The following ALG6 variants were observed in gnomAD, a reference collection of about 807,000 sequenced individuals.
The protein encoded by ALG6 is ALG6 alpha-1,3-glucosyltransferase, also known as dolichyl pyrophosphate Man9GlcNAc2 alpha-1,3-glucosyltransferase.
Under a neutral mutation model 66.6 loss-of-function variants are expected in ALG6, and 46 were observed. That is an observed-to-expected ratio of 0.69 (90% CI 0.55 to 0.88). The LOEUF (loss-of-function observed/expected upper bound fraction) is 0.88. Among genes scored for constraint, ALG6 ranks in the 40% least tolerant of loss-of-function variants. The probability of loss-of-function intolerance (pLI) is 0.00; values close to 1 mark genes in which losing one functional copy is unlikely to be tolerated. For synonymous variants in ALG6, 185 were observed against 203.7 expected (o/e 0.91, Z 0.78); for missense variants, 505 against 586.8 (o/e 0.86, Z 1.44).
At chr1:63,390,941 A>G (rs1282349110) in intron 2 of ALG6, among the ~76,000 whole-genome samples, 1 of 152,154 alleles carries the variant, frequency 6.6e-6, no homozygotes, top group Non-Finnish European at 1.5e-5. Flanking sequence ...CCTTGATATG[A>G]TATTAAAACC....
chr1:63,392,465 C>A (rs1247340000), intron 2 of ALG6, among the ~76,000 whole-genome samples: 2 of 152,082 alleles, frequency 1.3e-5, no homozygotes, highest in African/African-American at 2.4e-5. Flanking sequence ...GCCACCACAC[C>A]CTGCCAAAAG....
chr1:63,389,462 G>T (rs1324902213), intron 2 of ALG6, among the ~76,000 whole-genome samples: 2 of 152,108 alleles, frequency 1.3e-5, no homozygotes, highest in Non-Finnish European at 2.9e-5. Flanking sequence ...GTTAAGGATA[G>T]AATTCTAAAT....
rs150097046 is a variant in ALG6 at position 63,406,390 on chromosome 1, T to C, written c.420T>C (p.Thr140=). Residue 140 remains threonine, a synonymous_variant, in exon 6 of 15, where the codon ACT becomes ACC. Transcript: ENST00000263440. ...GTTGTTGCTTAAAAGAAATCTCAAC[T>C]AAGAAAAAGGTAGGTTTTCAAGCAG... ...LYCCCLKEIS[T]KKKIANALCI... 8.9e-5 allele frequency: 144 copies of C among 1,612,764 alleles called. No individual in the cohort carries two copies. The highest frequency in any genetic ancestry group is 2.2e-4 in the Admixed American group (13 of 59,972).
chr1:63,400,862 G>T (rs1644461705), intron 3 of ALG6, among the ~76,000 whole-genome samples: 1 of 152,130 alleles, frequency 6.6e-6, no homozygotes, highest in Non-Finnish European at 1.5e-5. Flanking sequence ...TGCTTCAACA[G>T]CTCTGAGGCT....
intron 10 of ALG6, 57 bp downstream of exon 10, chr1:63,414,203 T>C: frequency 3.2e-6 from 4 of 1,266,542 alleles, no homozygotes; most frequent in Non-Finnish European, 3.4e-6. Context: ...AAAAGCATTA[T>C]GGTATTATTT....
At chr1:63,422,686 T>C (rs572174211) in intron 12 of ALG6, among the ~76,000 whole-genome samples, 16 of 151,826 alleles carry the variant, frequency 1.1e-4, no homozygotes, top group African/African-American at 3.6e-4. Flanking sequence ...CCGGGCACAG[T>C]GGCTCATGCC....
At position 63,419,442 on chromosome 1, in the gene ALG6, T is replaced by TA. The variant is rs1644562379; in HGVS notation, c.1058+4dup. 1 of 1,582,296 alleles carries TA rather than the reference T, an allele frequency of 6.3e-7. No individual in the cohort carries two copies. The highest frequency in any genetic ancestry group is 1.3e-5 in the African/African-American group (1 of 74,230). ...AAAATCCATTCTCTTGGTGTCACTG[T>TA]AAGTAGAAACATTTGAAATATGTGT... On this transcript the variant is annotated splice_region_variant and intron_variant, in intron 12 of 14. Transcript: ENST00000263440.
At chr1:63,410,890 C>T (rs1461441336) in intron 7 of ALG6, among the ~76,000 whole-genome samples, 1 of 151,900 alleles carries the variant, frequency 6.6e-6, no homozygotes, top group Non-Finnish European at 1.5e-5. Flanking sequence ...TCTTTTAAAC[C>T]AAAACAAATC....
intron 3 of ALG6, among the ~76,000 whole-genome samples, chr1:63,400,538 T>A (rs193023043): frequency 6.6e-6 from 1 of 151,466 alleles, no homozygotes; most frequent in Admixed American, 6.6e-5. Context: ...AATCCTATAT[T>A]TTTTTCCTCC....
intron 2 of ALG6, among the ~76,000 whole-genome samples, chr1:63,390,551 A>T (rs1648639434): frequency 6.6e-6 from 1 of 152,114 alleles, no homozygotes; most frequent in South Asian, 2.1e-4. Context: ...ACTGCGTCTG[A>T]GTCCAACACA....
intron 11 of ALG6, among the ~76,000 whole-genome samples, chr1:63,418,908 T>G (rs978199552): frequency 3.3e-5 from 5 of 152,014 alleles, no homozygotes; most frequent in African/African-American, 4.8e-5. Flanking sequence ...AATAGATAAT[T>G]TTTTTTAAAC....
rs147040018 is a variant in ALG6, at chr1:63,380,589, G to A, written c.82+9530G>A. 3.3e-3 allele frequency among the ~76,000 whole-genome samples: 503 copies of A among 151,732 alleles called. 2 individuals are homozygous for A. The highest frequency in any genetic ancestry group is 5.1e-3 in the Admixed American group (77 of 15,212). On this transcript the variant is annotated intron_variant, in intron 2 of 14. Coordinates refer to ENST00000263440, the MANE Select transcript of ALG6 (RefSeq NM_013339.4). ...ATTGTGACACATATATTATTTTCTC[G>A]TTTATTTTAAGGTGAAGTTGAAAAG...
At position 63,414,046 on chromosome 1, in the gene ALG6, C is replaced by A; in HGVS notation, c.817-15C>A. The stretch of plus-strand genomic sequence containing the variant: ...CAATTATACCAGAATGTAAAGCTAA[C>A]AAATCTCTTTTAAGGATAAAGTAGC... On this transcript the variant is annotated splice_polypyrimidine_tract_variant and intron_variant, in intron 9 of 14. Transcript: ENST00000263440. The A allele has an allele frequency of 6.4e-7, 1 of 1,573,928 alleles. No homozygotes were observed. Among genetic ancestry groups the A allele is most frequent in the Non-Finnish European group, 8.7e-7 (1 of 1,144,188 alleles).
At position 63,396,526 on chromosome 1, in the gene ALG6, G is replaced by C. The variant is rs149990175; in HGVS notation, c.96G>C (p.Pro32=). ...CTTTGATCTTAGGTGCTGGTAAACC[G>C]CCTATGTTTGGTGATTATGAAGCTC... ...SLNSYSGAGK[P]PMFGDYEAQR... Residue 32 remains proline, a synonymous_variant, in exon 3 of 15, where the codon CCG becomes CCC. Transcript: ENST00000263440. 6.2e-7 allele frequency: 1 copy of C among 1,613,908 alleles called. No homozygotes were observed. The highest frequency in any genetic ancestry group is 8.5e-7 in the Non-Finnish European group (1 of 1,179,936).
At chr1:63,375,578 A>C (rs1648098089) in intron 2 of ALG6, among the ~76,000 whole-genome samples, 1 of 152,008 alleles carries the variant, frequency 6.6e-6, no homozygotes, top group African/African-American at 2.4e-5. Flanking sequence ...TTACTTCCTT[A>C]AAATGCCTTT....
chr1:63,415,774 AAAT>A (rs1209749584), intron 10 of ALG6, 96 bp from the exon 11 acceptor site: 2 of 689,534 alleles, frequency 2.9e-6, no homozygotes, highest in African/African-American at 3.7e-5. Flanking sequence ...TTAAGTTGAT[AAAT>A]AATATGATCC....
At chr1:63,417,354 C>T (rs1373171731) in intron 11 of ALG6, among the ~76,000 whole-genome samples, 1 of 152,076 alleles carries the variant, frequency 6.6e-6, no homozygotes, top group African/African-American at 2.4e-5. Context: ...GGATTATAAG[C>T]CAGAAAAAAC....
intron 14 of ALG6, 84 bp downstream of exon 14, chr1:63,429,210 C>T: frequency 1.0e-6 from 1 of 1,004,666 alleles, no homozygotes; most frequent in Non-Finnish European, 1.5e-6. Flanking sequence ...TTCTTTTATA[C>T]CTTTTTGAGA....
At chr1:63,432,042 A>G (rs963742543) in intron 14 of ALG6, among the ~76,000 whole-genome samples, 1 of 152,156 alleles carries the variant, frequency 6.6e-6, no homozygotes. Context: ...GACAGTGTTG[A>G]ATACAGGTAA....
Sources: gnomAD v4.1 joint callset for allele counts (sites outside exome capture counted in the v4.1 genomes callset) on GRCh38, gnomAD v4.1.1 for gene constraint, MANE v1.5 for transcripts, NCBI Gene and HGNC (gene_info 2026-07-23, HGNC 2026-07-21) for gene names.